The following MAP4K5 variants were observed in gnomAD, a reference collection of about 807,000 sequenced individuals.
The protein encoded by MAP4K5 is MAPK/ERK kinase kinase kinase 5.
Under a neutral mutation model 135.6 loss-of-function variants are expected in MAP4K5, and 82 were observed. The observed-to-expected ratio is 0.60, with a 90% CI of 0.51 to 0.73. MAP4K5 has a LOEUF of 0.73. MAP4K5 is among the 30% of genes least tolerant of loss of function. The probability of loss-of-function intolerance (pLI) is 0.00; values close to 1 mark genes in which losing one functional copy is unlikely to be tolerated. For synonymous variants in MAP4K5, 347 were observed against 335.0 expected, an observed-to-expected ratio of 1.04 and a Z score of -0.39; for missense variants, 907 against 1,010.9, an observed-to-expected ratio of 0.90 and a Z score of 1.39.
Position 50,479,117 on chromosome 14 carries a change from TC to T in MAP4K5, c.379-2812del, listed in dbSNP as rs111552204. 6.1e-3 allele frequency among the ~76,000 whole-genome samples: 922 copies of T among 151,790 alleles called. 10 individuals are homozygous for T. The highest frequency in any genetic ancestry group is 0.02 in the African/African-American group (831 of 41,428). On this transcript the variant is annotated intron_variant, in intron 6 of 32. Coordinates refer to ENST00000682126, the MANE Select transcript of MAP4K5 (RefSeq NM_006575.6). ...CAAGTATGGACAATTTTCAGCCATC[TC>T]CCCTTTTCAGTTTGTCTCCCTTTTC...
chr14:50,427,110 G>T (rs941512465), intron 30 of MAP4K5, among the ~76,000 whole-genome samples: 2 of 152,110 alleles, frequency 1.3e-5, no homozygotes, highest in Non-Finnish European at 2.9e-5. Context: ...TCCCCAGGAG[G>T]ATTCCTGTAA....
intron 1 of MAP4K5, among the ~76,000 whole-genome samples, chr14:50,548,325 T>C (rs1248012059): frequency 1.3e-5 from 2 of 152,124 alleles, no homozygotes; most frequent in African/African-American, 4.8e-5. Flanking sequence ...AAAATGGGAT[T>C]GGGCACACAT....
chr14:50,443,299 T>A (rs556551108), intron 20 of MAP4K5, among the ~76,000 whole-genome samples: 35 of 152,232 alleles, frequency 2.3e-4, no homozygotes, highest in Non-Finnish European at 4.4e-4. Flanking sequence ...CCCATCCCAT[T>A]CATGGGATCA....
intron 19 of MAP4K5, 28 bp downstream of exon 19, chr14:50,443,911 C>T: frequency 1.3e-6 from 2 of 1,539,634 alleles, no homozygotes; most frequent in Non-Finnish European, 1.8e-6. Flanking sequence ...TTATTTACAA[C>T]TAATTGCTAA....
intron 1 of MAP4K5, among the ~76,000 whole-genome samples, chr14:50,543,634 T>A (rs1392740507): frequency 2.0e-5 from 3 of 152,182 alleles, no homozygotes; most frequent in Non-Finnish European, 4.4e-5. Flanking sequence ...GAAGGATCAA[T>A]CGTGGTGCTG....
chr14:50,456,844 G>A (rs2036603802), intron 13 of MAP4K5: 3 of 366,556 alleles, frequency 8.2e-6, no homozygotes, highest in Non-Finnish European at 1.5e-5. Flanking sequence ...TACAGTCTAG[G>A]AAGATAAGAC....
At chr14:50,453,809 C>A (rs1432104994) in intron 14 of MAP4K5, among the ~76,000 whole-genome samples, 1 of 152,098 alleles carries the variant, frequency 6.6e-6, no homozygotes, top group East Asian at 1.9e-4. Context: ...TCCTGTATTT[C>A]TTTTCCCTTG....
intron 2 of MAP4K5, among the ~76,000 whole-genome samples, chr14:50,540,790 G>T (rs1173056027): frequency 1.3e-5 from 2 of 152,124 alleles, no homozygotes; most frequent in Non-Finnish European, 2.9e-5. Flanking sequence ...ATGATAGGTA[G>T]GAACAAGTGT....
At chr14:50,490,648 T>A (rs113648248) in intron 3 of MAP4K5, among the ~76,000 whole-genome samples, 59 of 152,254 alleles carry the variant, frequency 3.9e-4, no homozygotes, top group African/African-American at 1.4e-3. Context: ...TAAACTACAA[T>A]TTTTAACTGG....
chr14:50,493,041 GA>G (rs965687026), intron 3 of MAP4K5, among the ~76,000 whole-genome samples: 106 of 141,062 alleles, frequency 7.5e-4, no homozygotes, highest in African/African-American at 2.1e-3. Flanking sequence ...AAAAAAAAAG[GA>G]AAAAAAAAAA....
At chr14:50,528,006 C>G (rs2038304339) in intron 2 of MAP4K5, among the ~76,000 whole-genome samples, 1 of 152,030 alleles carries the variant, frequency 6.6e-6, no homozygotes, top group Non-Finnish European at 1.5e-5. Flanking sequence ...TCCTTGTGGT[C>G]AGAGGTAGTT....
At chr14:50,445,544 A>C (rs536512800) in intron 17 of MAP4K5, among the ~76,000 whole-genome samples, 1 of 152,150 alleles carries the variant, frequency 6.6e-6, no homozygotes, top group African/African-American at 2.4e-5. Flanking sequence ...TTCTTCAATA[A>C]GCAATAACCT....
chr14:50,484,770 T>C lies in MAP4K5; in HGVS notation c.322+808A>G, dbSNP rs181252870. Among the ~76,000 whole-genome samples the C allele has an allele frequency of 3.9e-3, 599 of 152,308 alleles. 6 individuals carry two copies. Among genetic ancestry groups the C allele is most frequent in the African/African-American group, 0.013 (552 of 41,572 alleles). On this transcript the variant is annotated intron_variant, in intron 5 of 32. Transcript: ENST00000682126. Reference sequence around the variant, plus strand: ...TTACAACCTATTATTTGAAGTGAAATAGCACTTCTGTTTTTATATCTACTG... The same window carrying C: ...TTACAACCTATTATTTGAAGTGAAACAGCACTTCTGTTTTTATATCTACTG...
At chr14:50,496,802 C>T (rs751048866) in intron 3 of MAP4K5, among the ~76,000 whole-genome samples, 16 of 150,846 alleles carry the variant, frequency 1.1e-4, no homozygotes, top group Admixed American at 2.6e-4. Context: ...TGTGAACCAC[C>T]GCTCCCAGAC....
chr14:50,466,596 C>T lies in MAP4K5; in HGVS notation c.724G>A (p.Asp242Asn). 6.9e-7 allele frequency: 1 copy of T among 1,450,902 alleles called. No homozygotes were observed. Among genetic ancestry groups the T allele is most frequent in the Non-Finnish European group, 9.5e-7 (1 of 1,056,666 alleles). The allele number at this position is 1,450,902 out of a possible 1,614,324, so 89.9% of individuals were successfully genotyped here. Residue 242 changes from aspartate to asparagine, a missense_variant, in exon 11 of 33, where the codon GAC becomes AAC. Asp to Asn is a conservative substitution (Grantham distance 23, BLOSUM62 1). Coordinates refer to ENST00000682126, the MANE Select transcript of MAP4K5 (RefSeq NM_006575.6). ...KSNFQPPKLK[D>N]KTKWSSTFHN... ...TCTTTAACTCACCATTTTGTTTTGT[C>T]CTTTAGTTTTGGAGGCTGAAAATTA...
intron 25 of MAP4K5, 103 bp downstream of exon 25, chr14:50,437,791 T>G: frequency 1.2e-6 from 1 of 809,348 alleles, no homozygotes; most frequent in Non-Finnish European, 2.0e-6. Flanking sequence ...TAAACTACCT[T>G]TGAAAATTAA....
At chr14:50,463,633 C>G (rs562332243) in intron 12 of MAP4K5, among the ~76,000 whole-genome samples, 1 of 152,142 alleles carries the variant, frequency 6.6e-6, no homozygotes, top group South Asian at 2.1e-4. Flanking sequence ...CCTGTAATCC[C>G]AGCACTTTGG....
intron 3 of MAP4K5, among the ~76,000 whole-genome samples, chr14:50,502,225 C>T (rs2037721247): frequency 6.6e-6 from 1 of 152,136 alleles, no homozygotes; most frequent in Admixed American, 6.6e-5. Flanking sequence ...AAACTGCAAA[C>T]TCCAGCATAA....
chr14:50,560,410 G>A lies in MAP4K5; in HGVS notation c.-180+630C>T. ...GGGCTGCTAGGTGCCTGCGTCCACG[G>A]CTGGGAGACGGGCCGTAGCCGAGCC... On this transcript the variant is annotated intron_variant, in intron 1 of 8. Transcript: ENST00000555216. 5.7e-6 allele frequency: 8 copies of A among 1,397,258 alleles called. No individual in the cohort carries two copies. The South Asian group carries it at 7.5e-5, about 13-fold the overall frequency. 86.6% of individuals were successfully genotyped at this position (1,397,258 alleles called of 1,614,324 possible).
Sources: gnomAD v4.1 joint callset for allele counts (sites outside exome capture counted in the v4.1 genomes callset) on GRCh38, gnomAD v4.1.1 for gene constraint, MANE v1.5 for transcripts, NCBI Gene and HGNC (gene_info 2026-07-23, HGNC 2026-07-21) for gene names.